The following ALX4 variants were observed in gnomAD, a reference collection of about 807,000 sequenced individuals.
ALX4 encodes the protein ALX homeobox 4.
A neutral mutation model predicts 40.6 loss-of-function variants in ALX4; 22 were observed. That is an observed-to-expected ratio of 0.54 (90% confidence interval 0.39 to 0.77). ALX4 has a LOEUF of 0.77. Ranked by LOEUF, ALX4 falls within the 30% of genes least tolerant of loss-of-function variation. The pLI is 0.00. For synonymous variants in ALX4, 266 were observed against 240.5 expected, an observed-to-expected ratio of 1.11 and a Z score of -0.98; for missense variants, 556 against 564.8, an observed-to-expected ratio of 0.98 and a Z score of 0.16.
At chr11:44,277,078 G>A (rs1209490827) in intron 1 of ALX4, among the ~76,000 whole-genome samples, 1 of 152,196 alleles carries the variant, frequency 6.6e-6, no homozygotes, top group Non-Finnish European at 1.5e-5. Flanking sequence ...CCCGCTATGT[G>A]CCTCAGTTTC....
chr11:44,261,680 C>G lies in ALX4; in HGVS notation c.*3174G>C, dbSNP rs1309230898. 2 of 152,232 alleles carry G rather than the reference C, an allele frequency of 1.3e-5. No individual in the cohort carries two copies. The highest frequency in any genetic ancestry group is 2.9e-5 in the Non-Finnish European group (2 of 68,060). 9.4% of individuals were successfully genotyped at this position (152,232 alleles called of 1,614,324 possible). The stretch of plus-strand genomic sequence containing the variant: ...AAGCCTTGCCATGCTGAGACCTGTG[C>G]CCAGCAGGGACTGGAGGCTGTCAGT... On this transcript the variant is annotated 3_prime_UTR_variant, in exon 4 of 4. Transcript: ENST00000652299.
intron 1 of ALX4, among the ~76,000 whole-genome samples, chr11:44,304,985 G>A (rs905105965): frequency 6.6e-6 from 1 of 152,258 alleles, no homozygotes; most frequent in Non-Finnish European, 1.5e-5. Context: ...CCTGGCTGAA[G>A]TGTCACCCTA....
chr11:44,303,282 C>G (rs1372504959), intron 1 of ALX4, among the ~76,000 whole-genome samples: 1 of 152,216 alleles, frequency 6.6e-6, no homozygotes, highest in South Asian at 2.1e-4. Flanking sequence ...CTTTAAGAAT[C>G]CGATGAAGCA....
At chr11:44,290,601 T>G (rs1025722038) in intron 1 of ALX4, among the ~76,000 whole-genome samples, 1 of 152,202 alleles carries the variant, frequency 6.6e-6, no homozygotes, top group Non-Finnish European at 1.5e-5. Context: ...GCAATGTTGT[T>G]GGAGAGGTCT....
chr11:44,298,474 C>G (rs1396380210), intron 1 of ALX4, among the ~76,000 whole-genome samples: 1 of 152,142 alleles, frequency 6.6e-6, no homozygotes, highest in Non-Finnish European at 1.5e-5. Flanking sequence ...AAGGGAGGAA[C>G]CTCAGCAGCT....
intron 1 of ALX4, among the ~76,000 whole-genome samples, chr11:44,308,870 G>C (rs1295164260): frequency 6.6e-6 from 1 of 152,208 alleles, no homozygotes; most frequent in Non-Finnish European, 1.5e-5. Context: ...TCCAAGAATC[G>C]CCGAGGGAGA....
At chr11:44,307,705 C>T (rs963581067) in intron 1 of ALX4, among the ~76,000 whole-genome samples, 2 of 152,246 alleles carry the variant, frequency 1.3e-5, no homozygotes, top group Non-Finnish European at 2.9e-5. Context: ...CGAGCTGGGG[C>T]CTGCATCCCT....
rs564010958 is a variant in ALX4, at chr11:44,260,627, C to T, written c.*4227G>A. On this transcript the variant is annotated 3_prime_UTR_variant, in exon 4 of 4. Coordinates refer to ENST00000652299, the MANE Select transcript of ALX4 (RefSeq NM_021926.4). ...AAAAAGATGTAAGTGCAATAACTTACTTTAAAAGGCAAGAACGTTTCTTTT... is the reference window on the plus strand; with the variant it reads ...AAAAAGATGTAAGTGCAATAACTTATTTTAAAAGGCAAGAACGTTTCTTTT... 22 of 152,242 alleles carry T rather than the reference C, an allele frequency of 1.4e-4. No homozygotes were observed. Among genetic ancestry groups the T allele is most frequent in the African/African-American group, 5.3e-4 (22 of 41,538 alleles). The allele number at this position is 152,242 out of a possible 1,614,324, so 9.4% of individuals were successfully genotyped here.
chr11:44,303,327 G>C (rs940270128), intron 1 of ALX4, among the ~76,000 whole-genome samples: 4 of 152,144 alleles, frequency 2.6e-5, no homozygotes, highest in African/African-American at 9.7e-5. Context: ...AATGTGCAGC[G>C]GCGCCAGTGC....
chr11:44,267,120 C>T (rs1956217645), intron 3 of ALX4, among the ~76,000 whole-genome samples: 1 of 152,162 alleles, frequency 6.6e-6, no homozygotes, highest in Non-Finnish European at 1.5e-5. Flanking sequence ...AACTTGGCCA[C>T]GAGTCCTGGA....
At chr11:44,307,513 C>T (rs1956476329) in intron 1 of ALX4, among the ~76,000 whole-genome samples, 1 of 152,228 alleles carries the variant, frequency 6.6e-6, no homozygotes, top group African/African-American at 2.4e-5. Context: ...TGGGGAGCTC[C>T]TTAGGCTCTC....
chr11:44,268,577 G>A (rs1160932969), intron 2 of ALX4, among the ~76,000 whole-genome samples: 9 of 152,262 alleles, frequency 5.9e-5, no homozygotes, highest in East Asian at 1.9e-4. Flanking sequence ...GGTTTTTGGT[G>A]ACGGGGAGTA....
chr11:44,295,151 T>C (rs1565008290), intron 1 of ALX4, among the ~76,000 whole-genome samples: 1 of 152,160 alleles, frequency 6.6e-6, no homozygotes, highest in Non-Finnish European at 1.5e-5. Context: ...ACACCTGGCT[T>C]TGTCCTTGCC....
intron 1 of ALX4, among the ~76,000 whole-genome samples, chr11:44,297,311 CA>C (rs1956408409): frequency 6.6e-6 from 1 of 152,142 alleles, no homozygotes; most frequent in Non-Finnish European, 1.5e-5. Flanking sequence ...ATTTTGAATG[CA>C]AAAAGCAAAG....
chr11:44,274,384 C>A (rs1956265786), intron 2 of ALX4, among the ~76,000 whole-genome samples: 1 of 147,742 alleles, frequency 6.8e-6, no homozygotes. Flanking sequence ...TGTTGAGTTC[C>A]ATTGTGTTGT....
intron 1 of ALX4, among the ~76,000 whole-genome samples, chr11:44,306,895 G>T (rs1373703981): frequency 6.6e-6 from 1 of 152,152 alleles, no homozygotes; most frequent in Non-Finnish European, 1.5e-5. Flanking sequence ...TTCCTAGAAG[G>T]ACCAGACATC....
intron 2 of ALX4, among the ~76,000 whole-genome samples, chr11:44,269,948 C>T (rs1292244322): frequency 6.6e-6 from 1 of 152,080 alleles, no homozygotes; most frequent in Non-Finnish European, 1.5e-5. Context: ...AGAGAGATGG[C>T]TTCTCTTTTT....
intron 1 of ALX4, among the ~76,000 whole-genome samples, chr11:44,278,599 T>C (rs1056592385): frequency 4.6e-5 from 7 of 152,146 alleles, no homozygotes; most frequent in Non-Finnish European, 8.8e-5. Flanking sequence ...TTTGCCCACC[T>C]CCAGCTGCCC....
chr11:44,270,236 G>A (rs61879117), intron 2 of ALX4, among the ~76,000 whole-genome samples: 8,779 of 152,230 alleles, frequency 0.058, 317 homozygotes, highest in South Asian at 0.14. Context: ...GGGGAAGACA[G>A]ATGACCAGGC....
Sources: allele counts gnomAD v4.1 joint callset (sites outside exome capture counted in the v4.1 genomes callset), GRCh38; gene constraint gnomAD v4.1.1; transcripts MANE v1.5; gene names NCBI Gene and HGNC (gene_info 2026-07-23, HGNC 2026-07-21).